The following TMEM178B variants were observed in gnomAD, a reference collection of about 807,000 sequenced individuals.
TMEM178B encodes the protein transmembrane protein 178B.
In TMEM178B, 5 loss-of-function variants were observed where a neutral mutation model predicts 31.0. The ratio of observed to expected loss-of-function variants is 0.16; its 90% CI spans 0.08 to 0.34. The LOEUF (loss-of-function observed/expected upper bound fraction) is 0.34, where lower values mean the gene tolerates loss of function less well. TMEM178B is among the 10% of genes least tolerant of loss of function. The probability of loss-of-function intolerance (pLI) is 1.00; values close to 1 mark genes in which losing one functional copy is unlikely to be tolerated. For missense variants in TMEM178B, 275 were observed against 400.3 expected, an observed-to-expected ratio of 0.69 and a Z score of 2.67; for synonymous variants, 164 against 164.0, an observed-to-expected ratio of 1.00 and a Z score of 0.00.
At chr7:141,468,887 G>T (rs761368744) in intron 3 of TMEM178B, among the ~76,000 whole-genome samples, 2 of 152,170 alleles carry the variant, frequency 1.3e-5, no homozygotes, top group Non-Finnish European at 2.9e-5. Flanking sequence ...GATACATAGG[G>T]CTCAAAGATT....
At chr7:141,099,125 C>T (rs747117642) in intron 1 of TMEM178B, among the ~76,000 whole-genome samples, 3 of 152,206 alleles carry the variant, frequency 2.0e-5, no homozygotes, top group Non-Finnish European at 2.9e-5. Flanking sequence ...ATCCCAGCCT[C>T]CTCCTTCAGA....
rs909170457 is a variant in TMEM178B at position 141,171,622 on chromosome 7, G to A, written c.383-40969G>A. 6.6e-6 allele frequency among the ~76,000 whole-genome samples: 1 copy of A among 152,222 alleles called. No homozygotes were observed. Among genetic ancestry groups the A allele is most frequent in the Non-Finnish European group, 1.5e-5 (1 of 68,050 alleles). Reference sequence around the variant, plus strand: ...AGGCCTCGGTCTCCCGCATGACACTGTCTTCTGAGTGATGCATGCAAATTC... The same window carrying A: ...AGGCCTCGGTCTCCCGCATGACACTATCTTCTGAGTGATGCATGCAAATTC... On this transcript the variant is annotated intron_variant, in intron 1 of 3. Transcript: ENST00000565468. This position sits in a 1 kb window ranked among gnomAD's most constrained non-coding sequence, Gnocchi z 4.3.
At chr7:141,457,843 T>G (rs1208769874) in intron 3 of TMEM178B, among the ~76,000 whole-genome samples, 1 of 152,196 alleles carries the variant, frequency 6.6e-6, no homozygotes, top group Middle Eastern at 3.2e-3. Context: ...TATTTTGTGG[T>G]TAAGATTTTG....
chr7:141,204,663 C>A lies in TMEM178B; in HGVS notation c.383-7928C>A, dbSNP rs867374766. On this transcript the variant is annotated intron_variant, in intron 1 of 3. Coordinates refer to ENST00000565468, the MANE Select transcript of TMEM178B (RefSeq NM_001195278.2). ...TGCTGGTAGCTCTCAGATATGGCTT[C>A]GGAGAAGAGAGCAGCAGATACTTGG... is the stretch of plus-strand genomic sequence containing the variant. Among the ~76,000 whole-genome samples the A allele has an allele frequency of 3.9e-5, 6 of 152,270 alleles. No individual in the cohort carries two copies. In the East Asian group the frequency reaches 9.6e-4, roughly 24 times the overall value.
chr7:141,507,717 A>G, the TMEM178B span, among the ~76,000 whole-genome samples: 2,076 of 152,250 alleles, frequency 0.014, 44 homozygotes, highest in African/African-American at 0.047. Context: ...TCAACACCAC[A>G]TGGAAGCTGC....
intron 1 of TMEM178B, 104 bp from the exon 2 acceptor site, chr7:141,212,487 T>C: frequency 3.3e-6 from 3 of 909,946 alleles, no homozygotes; most frequent in Non-Finnish European, 5.1e-6. Flanking sequence ...CCAGGCCCAA[T>C]ATGAAAGAAG....
chr7:141,255,287 C>G (rs910528952), intron 2 of TMEM178B, among the ~76,000 whole-genome samples: 6 of 152,186 alleles, frequency 3.9e-5, no homozygotes, highest in African/African-American at 1.2e-4. Context: ...AGAAACAGCT[C>G]AATTCAAGGC....
intron 2 of TMEM178B, among the ~76,000 whole-genome samples, chr7:141,345,051 T>C (rs1799595390): frequency 6.6e-6 from 1 of 152,340 alleles, no homozygotes; most frequent in South Asian, 2.1e-4. Context: ...CATACAAATA[T>C]GTCATGAAAA....
intron 2 of TMEM178B, among the ~76,000 whole-genome samples, chr7:141,434,331 C>T (rs1310318303): frequency 6.6e-6 from 1 of 152,196 alleles, no homozygotes; most frequent in Non-Finnish European, 1.5e-5. Context: ...TGAGCAAAGC[C>T]AGGTGACAGC....
chr7:141,251,092 G>A (rs1450387805), intron 2 of TMEM178B, among the ~76,000 whole-genome samples: 1 of 151,928 alleles, frequency 6.6e-6, no homozygotes, highest in Non-Finnish European at 1.5e-5. Context: ...ATCTTCTGTG[G>A]GCCATGTGGC....
chr7:141,356,441 T>A (rs1056113751), intron 2 of TMEM178B, among the ~76,000 whole-genome samples: 12 of 152,024 alleles, frequency 7.9e-5, no homozygotes, highest in African/African-American at 2.9e-4. Context: ...TATCTCATTG[T>A]GGTTTTGATT....
At chr7:141,420,196 C>T (rs1456903630) in intron 2 of TMEM178B, among the ~76,000 whole-genome samples, 7 of 152,078 alleles carry the variant, frequency 4.6e-5, no homozygotes, top group Admixed American at 4.6e-4. Flanking sequence ...ATCACTGCCC[C>T]CCCCCACTAC....
Position 141,280,925 on chromosome 7 carries a change from T to C in TMEM178B, c.496+68221T>C, listed in dbSNP as rs561310444. On this transcript the variant is annotated intron_variant, in intron 2 of 3. Transcript: ENST00000565468. ...TCTGGTCTTTCCTTCAGGCAGTTAA[T>C]ATTTTGAAAACGAATGGTTTAATGT... Among the ~76,000 whole-genome samples the C allele has an allele frequency of 2.6e-3, 401 of 152,362 alleles. 2 individuals carry two copies. The highest frequency in any genetic ancestry group is 4.3e-3 in the Non-Finnish European group (290 of 68,022).
chr7:141,470,452 A>G, intron 3 of TMEM178B, 84 bp from the exon 4 acceptor site: 1 of 1,346,166 alleles, frequency 7.4e-7, no homozygotes, highest in Non-Finnish European at 9.7e-7. Flanking sequence ...ATGTAATAAT[A>G]TTAACTTTTC....
chr7:141,122,574 C>T (rs746986685), intron 1 of TMEM178B, among the ~76,000 whole-genome samples: 1 of 152,168 alleles, frequency 6.6e-6, no homozygotes, highest in Non-Finnish European at 1.5e-5. Flanking sequence ...CCACCAGCAT[C>T]GTGGGAGATG....
At chr7:141,455,226 A>G (rs910012236) in intron 3 of TMEM178B, among the ~76,000 whole-genome samples, 2 of 152,222 alleles carry the variant, frequency 1.3e-5, no homozygotes, top group Non-Finnish European at 2.9e-5. Flanking sequence ...TCTACCTGAC[A>G]CAAATAATGT....
chr7:141,221,659 G>A (rs1797259773), intron 2 of TMEM178B, among the ~76,000 whole-genome samples: 1 of 152,212 alleles, frequency 6.6e-6, no homozygotes, highest in African/African-American at 2.4e-5. Context: ...CCAGAACAAG[G>A]TGGGAGGCTG....
At chr7:141,397,773 A>T (rs1167604097) in intron 2 of TMEM178B, among the ~76,000 whole-genome samples, 1 of 152,212 alleles carries the variant, frequency 6.6e-6, no homozygotes, top group Non-Finnish European at 1.5e-5. Flanking sequence ...TTTCATAGGA[A>T]GCTATATTCC....
chr7:141,368,398 C>T (rs569843304), intron 2 of TMEM178B, among the ~76,000 whole-genome samples: 1 of 152,334 alleles, frequency 6.6e-6, no homozygotes, highest in East Asian at 1.9e-4. Context: ...TTAAACTTCT[C>T]TGAGCTGTAA....
Sources: gnomAD v4.1 joint callset for allele counts (sites outside exome capture counted in the v4.1 genomes callset) on GRCh38, gnomAD v4.1.1 for gene constraint, Gnocchi (gnomAD v3.1) non-coding constraint, MANE v1.5 for transcripts, NCBI Gene and HGNC (gene_info 2026-07-23, HGNC 2026-07-21) for gene names.